MSN: variants seen among roughly 807,000 people sequenced by gnomAD.
The protein encoded by MSN is epididymis luminal protein 70.
MSN carries 2 observed loss-of-function variants against 48.0 expected under a neutral mutation model. The ratio of observed to expected loss-of-function variants is 0.04; its 90% CI spans 0.02 to 0.13. The LOEUF is 0.13. Among genes scored for constraint, MSN ranks in the 10% least tolerant of loss-of-function variants. MSN has a pLI of 1.00. For synonymous variants in MSN, 146 were observed against 166.9 expected (o/e 0.87, Z 0.97); for missense variants, 267 against 470.1 (o/e 0.57, Z 3.99).
chrX:65,634,412 A>C (rs2070582704), intron 1 of MSN, among the ~76,000 whole-genome samples: 1 of 112,101 alleles, frequency 8.9e-6, no homozygotes, highest in African/African-American at 3.2e-5. Context: ...CAGGAGTTCG[A>C]GACCAGCCTG....
chrX:65,589,540 A>G (rs185541891), intron 1 of MSN: 3 of 112,390 alleles, frequency 2.7e-5, no homozygotes, highest in Admixed American at 9.4e-5. Context: ...TGGCTGTCAC[A>G]TCACTTCTGT....
chrX:65,731,587 C>T (rs1310360903), intron 5 of MSN, among the ~76,000 whole-genome samples: 1 of 110,878 alleles, frequency 9.0e-6, no homozygotes, highest in Admixed American at 9.6e-5. Flanking sequence ...TGGCAGCCAA[C>T]ATGCCAGAGG....
intron 1 of MSN, among the ~76,000 whole-genome samples, chrX:65,622,096 C>CT (rs757740196): frequency 0.017 from 1,562 of 90,575 alleles, 17 homozygotes; most frequent in Middle Eastern, 0.061. Flanking sequence ...CTTTTCTTTT[C>CT]TTTTTTTTTT....
In MSN at chrX:65,740,854, C is replaced by T. The variant is rs1047575158; in HGVS notation, c.*961C>T. 8 of 170,439 alleles carry T rather than the reference C, an allele frequency of 4.7e-5. No homozygotes were observed. The highest frequency in any genetic ancestry group is 5.9e-5 in the African/African-American group (2 of 33,780). The allele number at this position is 170,439 out of a possible 1,213,427, so 14.0% of individuals were successfully genotyped here. A position where few individuals can be genotyped will look rare whatever the true frequency, so the allele number is the denominator to read the frequency against. On this transcript the variant is annotated 3_prime_UTR_variant, in exon 13 of 13. Coordinates refer to ENST00000360270, the MANE Select transcript of MSN (RefSeq NM_002444.3). ...AAAGAGAGGATATGTTCACACCTAG[C>T]GTCAGTATTTTCCCTGCTAGGGGTT...
At chrX:65,707,942 T>C (rs1026315256) in intron 1 of MSN, among the ~76,000 whole-genome samples, 48 of 112,499 alleles carry the variant, frequency 4.3e-4, no homozygotes, top group African/African-American at 1.5e-3. Flanking sequence ...CAGGAGAGCA[T>C]AGACCAATGG....
chrX:65,711,512 T>G (rs2071415477), intron 1 of MSN, among the ~76,000 whole-genome samples: 1 of 112,681 alleles, frequency 8.9e-6, no homozygotes, highest in Non-Finnish European at 1.9e-5. Flanking sequence ...ATACATATTT[T>G]TATATCACAA....
chrX:65,706,606 T>G (rs897330204), intron 1 of MSN, among the ~76,000 whole-genome samples: 31 of 112,040 alleles, frequency 2.8e-4, no homozygotes, highest in Admixed American at 2.6e-3. Context: ...CCAGAATGTT[T>G]GAGTCTTAGC....
chrX:65,649,655 ATGTGTGTG>A (rs1049360559), intron 1 of MSN, among the ~76,000 whole-genome samples: 1 of 103,069 alleles, frequency 9.7e-6, no homozygotes, highest in African/African-American at 3.5e-5. Flanking sequence ...GTGTGTGTAT[ATGTGTGTG>A]TGTGTATGTG....
chrX:65,697,984 C>G (rs1259792698), intron 1 of MSN, among the ~76,000 whole-genome samples: 4 of 111,726 alleles, frequency 3.6e-5, no homozygotes, highest in Non-Finnish European at 3.8e-5. Flanking sequence ...CAGCTCCCTC[C>G]CCAGTCAACC....
intron 1 of MSN, among the ~76,000 whole-genome samples, chrX:65,636,834 C>T (rs1195229957): frequency 9.7e-6 from 1 of 102,597 alleles, no homozygotes; most frequent in Non-Finnish European, 2.0e-5. Flanking sequence ...GTAATCCCAG[C>T]ACTTTGGGAG....
chrX:65,674,702 G>A (rs1421567652), intron 1 of MSN, among the ~76,000 whole-genome samples: 1 of 111,892 alleles, frequency 8.9e-6, no homozygotes, highest in Non-Finnish European at 1.9e-5. Context: ...GTAGCAAATT[G>A]TTTGAATGCA....
At chrX:65,588,532 A>G (rs917381782) in exon 1 of MSN, 24 of 802,955 alleles carry the variant, frequency 3.0e-5, no homozygotes, top group Non-Finnish European at 6.0e-6. Flanking sequence ...CACACCACCC[A>G]TCAGCCACCT....
At chrX:65,704,722 T>C (rs972420455) in intron 1 of MSN, among the ~76,000 whole-genome samples, 1 of 109,859 alleles carries the variant, frequency 9.1e-6, no homozygotes, top group Non-Finnish European at 1.9e-5. Flanking sequence ...TTTCTAAATG[T>C]CAGGCTGGCA....
At chrX:65,737,143 C>CG in intron 9 of MSN, 35 bp from the exon 10 acceptor site, 1 of 1,187,058 alleles carries the variant, frequency 8.4e-7, no homozygotes. Context: ...TATCTCTGTG[C>CG]TCTTCACTGC....
intron 1 of MSN, among the ~76,000 whole-genome samples, chrX:65,632,077 T>C: frequency 8.9e-6 from 1 of 112,287 alleles, no homozygotes. Context: ...AATGCCTAAA[T>C]ATGCAGTTAC....
At chrX:65,619,929 G>T (rs6524997) in intron 1 of MSN, among the ~76,000 whole-genome samples, 1 of 110,012 alleles carries the variant, frequency 9.1e-6, no homozygotes, top group African/African-American at 3.4e-5. Context: ...TTTTAACAGA[G>T]AGGACCCTCA....
intron 1 of MSN, among the ~76,000 whole-genome samples, chrX:65,702,584 T>C (rs1018556609): frequency 9.0e-6 from 1 of 110,737 alleles, no homozygotes; most frequent in African/African-American, 3.3e-5. Context: ...GGGAATTGCT[T>C]GAACCCGGGA....
rs191468684 is a variant in MSN at position 65,603,320 on chromosome X, A to G, written c.-22+14708A>G. 2.1e-4 allele frequency among the ~76,000 whole-genome samples: 23 copies of G among 111,752 alleles called. No homozygotes were observed. The Admixed American group carries it at 2.1e-3, about 10-fold the overall frequency. ...CTCAAAAAACAAAAGAAAGAAAATG[A>G]ATTCCAGAACCACAACTAAAACACT... On this transcript the variant is annotated intron_variant, in intron 1 of 3. Transcript: ENST00000609672.
intron 6 of MSN, among the ~76,000 whole-genome samples, chrX:65,732,209 A>T (rs1266812373): frequency 8.9e-6 from 1 of 111,848 alleles, no homozygotes; most frequent in Non-Finnish European, 1.9e-5. Flanking sequence ...GGGGCTATTG[A>T]ACACTTGAAA....
Sources: gnomAD v4.1 joint callset for allele counts (sites outside exome capture counted in the v4.1 genomes callset) on GRCh38, gnomAD v4.1.1 for gene constraint, MANE v1.5 for transcripts, NCBI Gene and HGNC (gene_info 2026-07-23, HGNC 2026-07-21) for gene names.